NRG1: variants seen among roughly 807,000 people sequenced by gnomAD.
NRG1 encodes pro-neuregulin-1, membrane-bound isoform.
Under a neutral mutation model 63.8 loss-of-function variants are expected in NRG1, and 18 were observed. That is an observed-to-expected ratio of 0.28 (90% CI 0.19 to 0.42). The LOEUF is 0.42. Ranked by LOEUF, NRG1 falls within the 10% of genes least tolerant of loss-of-function variation. The probability of loss-of-function intolerance (pLI) is 1.00; values close to 1 mark genes in which losing one functional copy is unlikely to be tolerated. For missense variants in NRG1, 762 were observed against 814.7 expected (o/e 0.94, Z 0.79); for synonymous variants, 302 against 301.3 (o/e 1.00, Z -0.02).
intron 1 of NRG1, among the ~76,000 whole-genome samples, chr8:32,315,173 A>G (rs536009507): frequency 1.3e-5 from 2 of 152,130 alleles, no homozygotes; most frequent in African/African-American, 2.4e-5. Context: ...TGCTGCCCCT[A>G]TCAACCCTTC....
At chr8:32,766,519 A>C (rs1262956164) in exon 12 of NRG1, 1 of 152,210 alleles carries the variant, frequency 6.6e-6, no homozygotes, top group Admixed American at 6.5e-5. Context: ...TATTTCAATG[A>C]AGAAATTCCT....
chr8:32,057,539 A>G (rs1823144686), intron 1 of NRG1, among the ~76,000 whole-genome samples: 1 of 152,148 alleles, frequency 6.6e-6, no homozygotes, highest in Admixed American at 6.6e-5. Flanking sequence ...AAGATACATC[A>G]GGAGAGCTGA....
chr8:32,351,842 G>A (rs1408374404), intron 1 of NRG1, among the ~76,000 whole-genome samples: 1 of 152,108 alleles, frequency 6.6e-6, no homozygotes, highest in African/African-American at 2.4e-5. Flanking sequence ...CAGGGGCACT[G>A]GCCTTACTAA....
chr8:32,426,988 CT>C lies in NRG1; in HGVS notation c.38-168829del, dbSNP rs557526201. ...TCAGGTCATTATTTATCCACTTGTC[CT>C]TTTTTTTTTTATCATTCCTTTGAAC... On this transcript the variant is annotated intron_variant, in intron 1 of 10. Coordinates refer to the NRG1 transcript ENST00000519301. Among the ~76,000 whole-genome samples, 943 of 145,468 alleles carry C rather than the reference CT, an allele frequency of 6.5e-3. 3 individuals carry two copies. The highest frequency in any genetic ancestry group is 0.021 in the African/African-American group (822 of 39,930).
chr8:32,251,391 C>A (rs1301188626), intron 1 of NRG1, among the ~76,000 whole-genome samples: 6 of 87,426 alleles, frequency 6.9e-5, no homozygotes, highest in African/African-American at 2.5e-4. Context: ...ACAAACTCAA[C>A]CTTTTTTATG....
At chr8:31,705,097 G>A (rs1005558602) in intron 1 of NRG1, among the ~76,000 whole-genome samples, 1 of 151,970 alleles carries the variant, frequency 6.6e-6, no homozygotes, top group African/African-American at 2.4e-5. Context: ...GTGCAGTGGC[G>A]CGATCTCGGC....
chr8:31,998,630 G>A lies in NRG1; in HGVS notation c.37+359199G>A, dbSNP rs532073039. Among the ~76,000 whole-genome samples, 6 of 152,062 alleles carry A rather than the reference G, an allele frequency of 3.9e-5. No homozygotes were observed. The East Asian group carries it at 7.8e-4, about 20-fold the overall frequency. On this transcript the variant is annotated intron_variant, in intron 1 of 10. Coordinates refer to the NRG1 transcript ENST00000519301. ...TGAGTCAATAGGAACTTTACACAATGGTGAGAATAAAGTGCATCCTTTCAA... is the reference window on the plus strand; with the variant it reads ...TGAGTCAATAGGAACTTTACACAATAGTGAGAATAAAGTGCATCCTTTCAA...
intron 1 of NRG1, among the ~76,000 whole-genome samples, chr8:32,551,388 C>T (rs1834074921): frequency 6.6e-6 from 1 of 152,132 alleles, no homozygotes; most frequent in Non-Finnish European, 1.5e-5. Context: ...TATGCAATAG[C>T]CAAGCCTCTC....
At position 31,985,572 on chromosome 8, in the gene NRG1, A is replaced by ATT. The variant is rs551231982; in HGVS notation, c.37+346150_37+346151dup. On this transcript the variant is annotated intron_variant, in intron 1 of 10. Coordinates refer to the NRG1 transcript ENST00000519301. Reference sequence around the variant, plus strand: ...CTTCTTTCAGCTTCAAATGATTTTGATTTTTTTTTTACTTTAGATACTCAG... The same window carrying ATT: ...CTTCTTTCAGCTTCAAATGATTTTGATTTTTTTTTTTTACTTTAGATACTCAG... 1.5e-4 allele frequency among the ~76,000 whole-genome samples: 23 copies of ATT among 150,150 alleles called. No individual in the cohort carries two copies. The South Asian group carries it at 3.8e-3, about 25-fold the overall frequency.
intron 1 of NRG1, among the ~76,000 whole-genome samples, chr8:32,127,268 C>T (rs1834200258): frequency 1.3e-5 from 2 of 151,832 alleles, no homozygotes; most frequent in South Asian, 4.1e-4. Flanking sequence ...GCACCAAAAA[C>T]CATGGAAACA....
chr8:32,630,820 C>T (rs1053923157), intron 5 of NRG1, among the ~76,000 whole-genome samples: 1 of 150,582 alleles, frequency 6.6e-6, no homozygotes, highest in African/African-American at 2.4e-5. Flanking sequence ...GGTGTAAATT[C>T]CAACTGACTG....
chr8:32,094,843 G>GA (rs35480082), intron 1 of NRG1, among the ~76,000 whole-genome samples: 33 of 144,806 alleles, frequency 2.3e-4, no homozygotes, highest in South Asian at 4.3e-4. Flanking sequence ...TACTTAAAAA[G>GA]AAAAAAAAAA....
chr8:32,051,771 G>T (rs1332405125), intron 1 of NRG1, among the ~76,000 whole-genome samples: 5 of 152,142 alleles, frequency 3.3e-5, no homozygotes, highest in African/African-American at 1.2e-4. Context: ...TGGGAGATTT[G>T]CTGGAGGGCA....
chr8:32,530,107 T>C (rs545135257), intron 1 of NRG1, among the ~76,000 whole-genome samples: 1 of 149,120 alleles, frequency 6.7e-6, no homozygotes, highest in African/African-American at 2.5e-5. Flanking sequence ...ATTATAATCC[T>C]TTTTTTTTTC....
In NRG1 at chr8:32,025,055, A is replaced by G. The variant is rs549619499; in HGVS notation, c.37+385624A>G. Among the ~76,000 whole-genome samples, 6 of 152,356 alleles carry G rather than the reference A, an allele frequency of 3.9e-5. No individual in the cohort carries two copies. In the East Asian group the frequency reaches 9.6e-4, roughly 25 times the overall value. ...ATGGGAATGGGATGTTGGAGGAGAC[A>G]GATCTGTCACTTTTCATTTTATATT... On this transcript the variant is annotated intron_variant, in intron 1 of 10. Transcript: ENST00000519301.
At chr8:32,243,249 C>T (rs959270561) in intron 1 of NRG1, among the ~76,000 whole-genome samples, 5 of 152,090 alleles carry the variant, frequency 3.3e-5, no homozygotes, top group South Asian at 2.1e-4. Flanking sequence ...CATGGTGAAA[C>T]GTGTCTCTGC....
intron 1 of NRG1, among the ~76,000 whole-genome samples, chr8:31,763,801 T>A (rs1469039665): frequency 6.6e-6 from 1 of 151,998 alleles, no homozygotes; most frequent in Non-Finnish European, 1.5e-5. Flanking sequence ...ATACAAAAAA[T>A]TAGCCTGGCA....
intron 1 of NRG1, among the ~76,000 whole-genome samples, chr8:32,048,438 TATACATAC>T (rs1158711051): frequency 7.1e-3 from 88 of 12,440 alleles, no homozygotes; most frequent in African/African-American, 9.8e-3. Context: ...TGTACACATA[TATACATAC>T]ATATATATAT....
chr8:31,771,365 C>T (rs933015401), intron 1 of NRG1, among the ~76,000 whole-genome samples: 8 of 152,102 alleles, frequency 5.3e-5, no homozygotes, highest in African/African-American at 1.9e-4. Context: ...GATTGTGTAT[C>T]CATTCATGTG....
Sources: allele counts gnomAD v4.1 joint callset (sites outside exome capture counted in the v4.1 genomes callset), GRCh38; gene constraint gnomAD v4.1.1; transcripts MANE v1.5; gene names NCBI Gene and HGNC (gene_info 2026-07-23, HGNC 2026-07-21).